The following ZFHX3 variants were observed in gnomAD, a reference collection of about 807,000 sequenced individuals.
The protein encoded by ZFHX3 is zinc finger homeobox 3.
A neutral mutation model predicts 279.1 loss-of-function variants in ZFHX3; 42 were observed. That is an observed-to-expected ratio of 0.15 (90% CI 0.12 to 0.19). ZFHX3 has a LOEUF of 0.19. Ranked by LOEUF, ZFHX3 falls within the 10% of genes least tolerant of loss-of-function variation. The pLI is 1.00. For missense variants in ZFHX3, 4,981 were observed against 4,754.0 expected, an observed-to-expected ratio of 1.05 and a Z score of -1.40; for synonymous variants, 2,293 against 1,957.8, an observed-to-expected ratio of 1.17 and a Z score of -4.52.
chr16:73,094,752 C>T lies in ZFHX3; in HGVS notation c.-896-1154G>A, dbSNP rs539453377. On this transcript the variant is annotated intron_variant, in intron 7 of 17. Transcript: ENST00000641206. ...TTTGATGGAGTCTTGCTTTTTTGCC[C>T]AGGCTGGAGTGCAGAGGTACGAACT... 3.3e-5 allele frequency among the ~76,000 whole-genome samples: 5 copies of T among 152,092 alleles called. No individual in the cohort carries two copies. The South Asian group carries it at 1.0e-3, about 32-fold the overall frequency.
rs746526299 is a variant in ZFHX3, at chr16:73,399,416, G to A, written c.-1291+56587C>T. Reference sequence around the variant, plus strand: ...GGGGACTCCGGTTTCCTGGATATTCGAGACATCTCTCCAACCTTGGGGACA... The same window carrying A: ...GGGGACTCCGGTTTCCTGGATATTCAAGACATCTCTCCAACCTTGGGGACA... On this transcript the variant is annotated intron_variant, in intron 3 of 17. Transcript: ENST00000641206. Among the ~76,000 whole-genome samples, 5 of 152,082 alleles carry A rather than the reference G, an allele frequency of 3.3e-5. 1 individual carries two copies. Among genetic ancestry groups the A allele is most frequent in the Non-Finnish European group, 7.4e-5 (5 of 68,000 alleles).
chr16:73,333,419 T>C (rs991131932), intron 3 of ZFHX3, among the ~76,000 whole-genome samples: 1 of 151,828 alleles, frequency 6.6e-6, no homozygotes, highest in Non-Finnish European at 1.5e-5. Flanking sequence ...GATACATAGA[T>C]AGACACATAA....
intron 3 of ZFHX3, among the ~76,000 whole-genome samples, chr16:73,366,813 A>G (rs2016539383): frequency 6.6e-6 from 1 of 152,188 alleles, no homozygotes; most frequent in African/African-American, 2.4e-5. Flanking sequence ...AAATAGGTCT[A>G]TGATCACATC....
chr16:72,985,089 C>T (rs1379091670), intron 1 of ZFHX3, among the ~76,000 whole-genome samples: 5 of 152,172 alleles, frequency 3.3e-5, no homozygotes, highest in Non-Finnish European at 5.9e-5. Flanking sequence ...TTCTGAGAAA[C>T]GTCACTTAAT....
intron 3 of ZFHX3, among the ~76,000 whole-genome samples, chr16:72,920,227 T>A (rs879413827): frequency 6.6e-6 from 1 of 152,118 alleles, no homozygotes; most frequent in Non-Finnish European, 1.5e-5. Flanking sequence ...GAAGAGCATC[T>A]CATACATATC....
intron 2 of ZFHX3, among the ~76,000 whole-genome samples, chr16:73,579,649 C>T (rs906079943): frequency 6.7e-6 from 1 of 149,930 alleles, no homozygotes; most frequent in African/African-American, 2.5e-5. Flanking sequence ...CTACAGGCAC[C>T]CGCCACCATG....
intron 1 of ZFHX3, among the ~76,000 whole-genome samples, chr16:73,722,543 G>A (rs2053483562): frequency 6.6e-6 from 1 of 152,114 alleles, no homozygotes; most frequent in South Asian, 2.1e-4. Flanking sequence ...AATACAGTAG[G>A]CAGCGTACTC....
intron 2 of ZFHX3, among the ~76,000 whole-genome samples, chr16:73,521,702 A>T (rs919437660): frequency 1.3e-5 from 2 of 152,024 alleles, no homozygotes; most frequent in Admixed American, 6.5e-5. Flanking sequence ...AAATAAAAAA[A>T]TTTAAATCTA....
chr16:73,775,481 C>A (rs1959223673), intron 1 of ZFHX3, among the ~76,000 whole-genome samples: 1 of 152,160 alleles, frequency 6.6e-6, no homozygotes, highest in African/African-American at 2.4e-5. Context: ...GGGCCCCAAA[C>A]CCTCATTTCA....
At chr16:73,439,878 G>A (rs1455859861) in intron 3 of ZFHX3, among the ~76,000 whole-genome samples, 1 of 125,936 alleles carries the variant, frequency 7.9e-6, no homozygotes, top group African/African-American at 3.1e-5. Flanking sequence ...CCTGGCAGCT[G>A]ACTGTCAGTG....
At chr16:73,680,717 G>T (rs766765) in intron 1 of ZFHX3, among the ~76,000 whole-genome samples, 3 of 151,906 alleles carry the variant, frequency 2.0e-5, no homozygotes, top group Non-Finnish European at 4.4e-5. Context: ...ACTGAATGGT[G>T]GGTGTATATC....
chr16:73,219,270 GACCTATGCTGTTGTGAT>G lies in ZFHX3; in HGVS notation c.-1104+37760_-1104+37776del, dbSNP rs1273763533. Among the ~76,000 whole-genome samples the G allele has an allele frequency of 6.5e-4, 99 of 152,260 alleles. No homozygotes were observed. The South Asian group carries it at 0.02, about 31-fold the overall frequency. On this transcript the variant is annotated intron_variant, in intron 5 of 17. Coordinates refer to the ZFHX3 transcript ENST00000641206. ...CCAAAATTCACAGAAACAGCATACA[GACCTATGCTGTTGTGAT>G]TGTTTCTAACACGCCATGTTATTAA... is the stretch of plus-strand genomic sequence containing the variant.
rs144699171 is a variant in ZFHX3, at chr16:72,991,679, G to A, written c.-49-31485C>T. ...TTTGCATAGCAATCCAACAAAGGCC[G>A]TATTCTCACTTTTGAGGCTCAGAGA... is the stretch of plus-strand genomic sequence containing the variant. On this transcript the variant is annotated intron_variant, in intron 1 of 9. Transcript: ENST00000268489. 3.5e-3 allele frequency among the ~76,000 whole-genome samples: 530 copies of A among 152,104 alleles called. 3 individuals carry two copies. Among genetic ancestry groups the A allele is most frequent in the African/African-American group, 0.012 (501 of 41,540 alleles).
At chr16:73,500,134 T>TA (rs1408321400) in intron 2 of ZFHX3, 6 of 152,192 alleles carry the variant, frequency 3.9e-5, no homozygotes, top group Non-Finnish European at 7.3e-5. Context: ...GCAAGTCCTT[T>TA]AGGAGGAATT....
chr16:73,488,765 GCT>G (rs1230690549), intron 2 of ZFHX3, among the ~76,000 whole-genome samples: 1 of 152,190 alleles, frequency 6.6e-6, no homozygotes, highest in Non-Finnish European at 1.5e-5. Context: ...TGACCCCATT[GCT>G]ATTGAAGTTG....
At chr16:73,576,117 C>T (rs1257904404) in intron 2 of ZFHX3, among the ~76,000 whole-genome samples, 2 of 152,118 alleles carry the variant, frequency 1.3e-5, no homozygotes, top group Non-Finnish European at 2.9e-5. Flanking sequence ...ATGGCACCCA[C>T]TGGGAAGAAA....
At chr16:73,421,631 A>G (rs2017720759) in intron 3 of ZFHX3, among the ~76,000 whole-genome samples, 1 of 152,224 alleles carries the variant, frequency 6.6e-6, no homozygotes, top group Admixed American at 6.5e-5. Context: ...AATTCTAGGC[A>G]GGAGAACCTA....
intron 3 of ZFHX3, among the ~76,000 whole-genome samples, chr16:73,370,580 G>A (rs537541763): frequency 4.6e-5 from 7 of 152,226 alleles, no homozygotes; most frequent in East Asian, 1.9e-4. Flanking sequence ...CCCATAACAC[G>A]ATGCAAGCTC....
intron 1 of ZFHX3, among the ~76,000 whole-genome samples, chr16:73,878,455 C>T (rs557849892): frequency 6.6e-6 from 1 of 152,130 alleles, no homozygotes; most frequent in East Asian, 1.9e-4. Context: ...CTCTTCACAA[C>T]GACACTAAAA....
Sources: gnomAD v4.1 joint callset for allele counts (sites outside exome capture counted in the v4.1 genomes callset) on GRCh38, gnomAD v4.1.1 for gene constraint, MANE v1.5 for transcripts, NCBI Gene and HGNC (gene_info 2026-07-23, HGNC 2026-07-21) for gene names.